Variants in PTPRN2 observed in about 807,000 individuals in gnomAD.
The protein encoded by PTPRN2 is receptor-type tyrosine-protein phosphatase N2.
In PTPRN2, 74 loss-of-function variants were observed where a neutral mutation model predicts 118.8. The observed-to-expected ratio is 0.62, with a 90% CI of 0.52 to 0.76. PTPRN2 has a LOEUF of 0.76. Ranked by LOEUF, PTPRN2 falls within the 30% of genes least tolerant of loss-of-function variation. PTPRN2 has a pLI of 0.00. For missense variants in PTPRN2, 1,481 were observed against 1,394.4 expected, an observed-to-expected ratio of 1.06 and a Z score of -0.99; for synonymous variants, 641 against 608.0, an observed-to-expected ratio of 1.05 and a Z score of -0.80.
intron 2 of PTPRN2, among the ~76,000 whole-genome samples, chr7:158,380,661 C>T (rs10949720): frequency 0.88 from 133,984 of 152,234 alleles, 60,465 homozygotes; most frequent in Non-Finnish European, 0.97. Context: ...TCTGGAGGAC[C>T]GTGGCCCTCT....
At chr7:158,577,172 G>A (rs576346044) in intron 1 of PTPRN2, among the ~76,000 whole-genome samples, 46 of 124,130 alleles carry the variant, frequency 3.7e-4, no homozygotes, top group African/African-American at 1.4e-3. Context: ...AACACTGAGG[G>A]CTCCCCACCC....
intron 3 of PTPRN2, among the ~76,000 whole-genome samples, chr7:158,282,877 C>T (rs546729622): frequency 1.3e-5 from 2 of 151,282 alleles, no homozygotes; most frequent in Middle Eastern, 3.4e-3. Context: ...CACACAGCAG[C>T]GGGACACAGA....
At chr7:157,889,305 C>G (rs992178811) in intron 12 of PTPRN2, among the ~76,000 whole-genome samples, 2 of 151,744 alleles carry the variant, frequency 1.3e-5, no homozygotes, top group Non-Finnish European at 2.9e-5. Flanking sequence ...TTACCGCCCC[C>G]CTCTCAACTA....
At chr7:158,487,479 G>A (rs1379376552) in intron 2 of PTPRN2, among the ~76,000 whole-genome samples, 1 of 152,156 alleles carries the variant, frequency 6.6e-6, no homozygotes, top group Non-Finnish European at 1.5e-5. Context: ...ATGGGTGTGA[G>A]GTGGTATGTT....
intron 11 of PTPRN2, among the ~76,000 whole-genome samples, chr7:158,059,365 G>A (rs879542145): frequency 0.091 from 3,654 of 40,298 alleles, 1 homozygote; most frequent in Middle Eastern, 0.15. Flanking sequence ...ACACGGTGAC[G>A]CATCACTGCA....
chr7:157,640,202 C>T (rs1585152298), intron 14 of PTPRN2, among the ~76,000 whole-genome samples: 1 of 152,154 alleles, frequency 6.6e-6, no homozygotes, highest in Non-Finnish European at 1.5e-5. Flanking sequence ...TAGGAACCAA[C>T]AATTTAAGAA....
intron 11 of PTPRN2, among the ~76,000 whole-genome samples, chr7:157,940,678 CCCCGAAG>C (rs1176170477): frequency 1.3e-5 from 2 of 150,072 alleles, no homozygotes; most frequent in Non-Finnish European, 1.5e-5. Flanking sequence ...CTAACACTCT[CCCCGAAG>C]ACACTGCAAA....
chr7:157,750,378 C>A (rs968750542), intron 12 of PTPRN2, among the ~76,000 whole-genome samples: 1 of 152,100 alleles, frequency 6.6e-6, no homozygotes, highest in Non-Finnish European at 1.5e-5. Flanking sequence ...GGGAGTGAGG[C>A]GTAGAGGATG....
intron 12 of PTPRN2, among the ~76,000 whole-genome samples, chr7:157,708,699 A>C (rs1457713165): frequency 6.6e-6 from 1 of 152,124 alleles, no homozygotes; most frequent in Non-Finnish European, 1.5e-5. Context: ...AAAGCAATTC[A>C]GCATTCCACA....
At chr7:158,456,683 C>A (rs1165909646) in intron 2 of PTPRN2, among the ~76,000 whole-genome samples, 1 of 152,284 alleles carries the variant, frequency 6.6e-6, no homozygotes, top group Non-Finnish European at 1.5e-5. Flanking sequence ...CCCTGCCACC[C>A]CTCCCTGTTT....
intron 12 of PTPRN2, among the ~76,000 whole-genome samples, chr7:157,816,834 C>T (rs558354979): frequency 3.6e-4 from 55 of 152,340 alleles, no homozygotes; most frequent in South Asian, 2.5e-3. Flanking sequence ...CATGTGGATT[C>T]GCACAGACCC....
chr7:158,142,112 G>T (rs571805356), intron 6 of PTPRN2, among the ~76,000 whole-genome samples: 118 of 152,288 alleles, frequency 7.7e-4, no homozygotes, highest in South Asian at 2.3e-3. Flanking sequence ...GCTGACCCTG[G>T]GGGCTGCCCC....
chr7:157,709,243 AGATCAATAC>A (rs1798480343), intron 12 of PTPRN2, among the ~76,000 whole-genome samples: 1 of 152,250 alleles, frequency 6.6e-6, no homozygotes, highest in Admixed American at 6.5e-5. Flanking sequence ...TACGTGCCAC[AGATCAATAC>A]GATGCCCTTC....
chr7:158,139,386 G>A (rs1819156777), intron 6 of PTPRN2, among the ~76,000 whole-genome samples: 1 of 152,164 alleles, frequency 6.6e-6, no homozygotes, highest in Non-Finnish European at 1.5e-5. Flanking sequence ...TTGTGAATCT[G>A]AAGACAGATC....
intron 12 of PTPRN2, among the ~76,000 whole-genome samples, chr7:157,725,729 G>T (rs1331261925): frequency 6.9e-5 from 4 of 58,078 alleles, no homozygotes; most frequent in African/African-American, 2.0e-4. Flanking sequence ...GAGTGAGCCA[G>T]ACCCTCACCT....
At chr7:158,169,845 C>A (rs768772890) in intron 5 of PTPRN2, among the ~76,000 whole-genome samples, 3 of 151,280 alleles carry the variant, frequency 2.0e-5, no homozygotes, top group Non-Finnish European at 2.9e-5. Flanking sequence ...GTGCCCTTCA[C>A]CACGCCCTGC....
intron 7 of PTPRN2, among the ~76,000 whole-genome samples, 199 bp from the exon 8 acceptor site, chr7:158,136,894 G>C (rs1477199389): frequency 6.6e-6 from 1 of 152,164 alleles, no homozygotes; most frequent in Non-Finnish European, 1.5e-5. Context: ...AGAGCGGAGG[G>C]GACTGAGGAG....
intron 12 of PTPRN2, among the ~76,000 whole-genome samples, chr7:157,890,983 T>TCCTACCCA (rs1324427636): frequency 1.3e-5 from 2 of 151,984 alleles, no homozygotes; most frequent in East Asian, 3.9e-4. Context: ...CAGGGGCAGC[T>TCCTACCCA]CCTCCCCACC....
At chr7:158,026,228 A>G (rs752864233) in intron 11 of PTPRN2, among the ~76,000 whole-genome samples, 9 of 152,384 alleles carry the variant, frequency 5.9e-5, no homozygotes, top group Middle Eastern at 3.4e-3. Context: ...CAGAATCAGT[A>G]TCTCTGCTAC....
Sources: allele counts gnomAD v4.1 joint callset (sites outside exome capture counted in the v4.1 genomes callset), GRCh38; gene constraint gnomAD v4.1.1; transcripts MANE v1.5; gene names NCBI Gene and HGNC (gene_info 2026-07-23, HGNC 2026-07-21).